Variants in UBA6 observed in about 807,000 individuals in gnomAD.
UBA6 encodes the protein ubiquitin-like modifier-activating enzyme 6.
Under a neutral mutation model 148.3 loss-of-function variants are expected in UBA6, and 87 were observed. The observed-to-expected ratio is 0.59, with a 90% CI of 0.49 to 0.70. UBA6 has a LOEUF of 0.70. UBA6 is among the 30% of genes least tolerant of loss of function. The pLI is 0.00. For missense variants in UBA6, 1,186 were observed against 1,241.2 expected, an observed-to-expected ratio of 0.96 and a Z score of 0.67; for synonymous variants, 376 against 401.0, an observed-to-expected ratio of 0.94 and a Z score of 0.75.
chr4:67,667,901 C>G (rs558598875), intron 9 of UBA6, among the ~76,000 whole-genome samples: 1 of 152,286 alleles, frequency 6.6e-6, no homozygotes, highest in South Asian at 2.1e-4. Flanking sequence ...AACTTGCCTG[C>G]AGACACGACA....
Position 67,681,560 on chromosome 4 carries a change from T to G in UBA6, c.258+3A>C. On this transcript the variant is annotated splice_donor_region_variant and intron_variant, in intron 4 of 32. Coordinates refer to ENST00000322244, the MANE Select transcript of UBA6 (RefSeq NM_018227.6). Reference sequence around the variant, plus strand: ...ATTTTTCTTACAGAGGACATTTACTTACCTTAATCCCTGCAAGAACAAGAT... The same window carrying G: ...ATTTTTCTTACAGAGGACATTTACTGACCTTAATCCCTGCAAGAACAAGAT... The G allele has an allele frequency of 1.3e-6, 2 of 1,570,038 alleles. No homozygotes were observed. The highest frequency in any genetic ancestry group is 1.7e-6 in the Non-Finnish European group (2 of 1,164,958).
intron 1 of UBA6, among the ~76,000 whole-genome samples, chr4:67,696,951 T>G (rs1354875383): frequency 1.3e-5 from 2 of 152,174 alleles, no homozygotes; most frequent in African/African-American, 4.8e-5. Context: ...AGGTGTTGTT[T>G]TATCACTGGT....
chr4:67,634,047 T>TATCGACA (rs1293344666), intron 22 of UBA6, among the ~76,000 whole-genome samples, 195 bp downstream of exon 22: 2 of 152,118 alleles, frequency 1.3e-5, no homozygotes, highest in Non-Finnish European at 2.9e-5. Context: ...CATGCTCAAA[T>TATCGACA]ATCGACAATT....
At chr4:67,665,413 GTT>G in intron 9 of UBA6, 121 bp from the exon 10 acceptor site, 1 of 407,340 alleles carries the variant, frequency 2.5e-6, no homozygotes, top group Admixed American at 4.7e-5. Flanking sequence ...CCAGCATAGT[GTT>G]TTTTTTTGTT....
At chr4:67,651,561 C>A (rs1316500651) in intron 13 of UBA6, among the ~76,000 whole-genome samples, 1 of 151,996 alleles carries the variant, frequency 6.6e-6, no homozygotes, top group African/African-American at 2.4e-5. Context: ...AAAGTAAGAG[C>A]CCAGAATTTT....
chr4:67,627,289 T>G (rs1728889380), intron 27 of UBA6, among the ~76,000 whole-genome samples: 1 of 151,936 alleles, frequency 6.6e-6, no homozygotes, highest in Admixed American at 6.6e-5. Flanking sequence ...GAAACTTTTG[T>G]TTGTCTGAAT....
intron 28 of UBA6, 102 bp downstream of exon 28, chr4:67,626,258 T>G: frequency 1.4e-6 from 1 of 704,416 alleles, no homozygotes; most frequent in Non-Finnish European, 2.5e-6. Flanking sequence ...ATTGTCATCA[T>G]TATTATTGTT....
rs1728593999 is a variant in UBA6 at position 67,614,685 on chromosome 4, G to A, written c.*4312C>T. Reference sequence around the variant, plus strand: ...GGAATGGTTTTTTAAAACAACTCACGCTCTAATTTTAAAACACTCATACTT... The same window carrying A: ...GGAATGGTTTTTTAAAACAACTCACACTCTAATTTTAAAACACTCATACTT... On this transcript the variant is annotated 3_prime_UTR_variant, in exon 33 of 33. Transcript: ENST00000322244. 3 of 152,002 alleles carry A rather than the reference G, an allele frequency of 2.0e-5. No individual in the cohort carries two copies. The highest frequency in any genetic ancestry group is 1.9e-4 in the East Asian group (1 of 5,182). The allele number at this position is 152,002 out of a possible 1,614,324, so 9.4% of individuals were successfully genotyped here. A position where few individuals can be genotyped will look rare whatever the true frequency, so the allele number is the denominator to read the frequency against.
intron 6 of UBA6, among the ~76,000 whole-genome samples, chr4:67,676,421 A>T (rs1730282927): frequency 6.6e-6 from 1 of 152,210 alleles, no homozygotes; most frequent in African/African-American, 2.4e-5. Context: ...CAGCACGCCT[A>T]ATGGTTATGA....
At chr4:67,693,345 TAC>T (rs1166417488) in intron 2 of UBA6, among the ~76,000 whole-genome samples, 1 of 151,608 alleles carries the variant, frequency 6.6e-6, no homozygotes, top group Admixed American at 6.6e-5. Context: ...TATATATATA[TAC>T]AGTATATAAT....
intron 23 of UBA6, 43 bp downstream of exon 23, chr4:67,633,302 C>T: frequency 2.0e-6 from 3 of 1,491,110 alleles, no homozygotes; most frequent in Non-Finnish European, 2.7e-6. Flanking sequence ...ACTAAATAAG[C>T]CAAGATCAGA....
chr4:67,698,141 T>C (rs890925124), intron 1 of UBA6, among the ~76,000 whole-genome samples: 2 of 152,238 alleles, frequency 1.3e-5, no homozygotes, highest in Admixed American at 6.5e-5. Flanking sequence ...AATCTCGGAA[T>C]AGCTGACTTC....
chr4:67,687,422 C>T (rs1730599412), intron 2 of UBA6, among the ~76,000 whole-genome samples: 1 of 152,168 alleles, frequency 6.6e-6, no homozygotes. Flanking sequence ...AGCTCCAGTT[C>T]ATATAAAAGT....
intron 9 of UBA6, among the ~76,000 whole-genome samples, chr4:67,665,751 T>C (rs1729981454): frequency 6.6e-6 from 1 of 151,898 alleles, no homozygotes; most frequent in Admixed American, 6.6e-5. Context: ...ATAAGATTAT[T>C]CAATAAATCT....
chr4:67,696,601 C>A, intron 2 of UBA6, 44 bp downstream of exon 2: 5 of 1,482,040 alleles, frequency 3.4e-6, no homozygotes, highest in Non-Finnish European at 4.6e-6. Flanking sequence ...TATTTGAGAA[C>A]AATTAATGGG....
intron 17 of UBA6, 85 bp downstream of exon 17, chr4:67,644,613 A>G (rs1729378631): frequency 1.4e-6 from 1 of 730,862 alleles, no homozygotes; most frequent in Non-Finnish European, 2.3e-6. Flanking sequence ...AAAAACTGAT[A>G]CTTCAGATTT....
At chr4:67,643,471 T>G (rs1189348311) in intron 17 of UBA6, among the ~76,000 whole-genome samples, 1 of 152,042 alleles carries the variant, frequency 6.6e-6, no homozygotes, top group Admixed American at 6.5e-5. Flanking sequence ...TATTCCGTTC[T>G]CTGCTTTAAG....
chr4:67,689,369 T>C (rs529224040), intron 2 of UBA6, among the ~76,000 whole-genome samples: 2 of 152,112 alleles, frequency 1.3e-5, no homozygotes, highest in Non-Finnish European at 2.9e-5. Context: ...ATAAACAACA[T>C]TTGAAGTATC....
chr4:67,676,676 C>T (rs780953157), intron 6 of UBA6, among the ~76,000 whole-genome samples: 13 of 152,284 alleles, frequency 8.5e-5, no homozygotes, highest in South Asian at 8.3e-4. Flanking sequence ...CAACTCCTGT[C>T]GCTAAGAGTA....
Sources: allele counts gnomAD v4.1 joint callset (sites outside exome capture counted in the v4.1 genomes callset), GRCh38; gene constraint gnomAD v4.1.1; transcripts MANE v1.5; gene names NCBI Gene and HGNC (gene_info 2026-07-23, HGNC 2026-07-21).